Variants in ARIH1 observed in about 807,000 individuals in gnomAD.
ARIH1 encodes the protein E3 ubiquitin-protein ligase ARIH1.
ARIH1 carries 8 observed loss-of-function variants against 85.0 expected under a neutral mutation model. That is an observed-to-expected ratio of 0.09 (90% CI 0.06 to 0.17). The LOEUF is 0.17. Ranked by LOEUF, ARIH1 falls within the 10% of genes least tolerant of loss-of-function variation. The pLI is 1.00. For synonymous variants in ARIH1, 238 were observed against 253.6 expected, an observed-to-expected ratio of 0.94 and a Z score of 0.59; for missense variants, 311 against 718.1, an observed-to-expected ratio of 0.43 and a Z score of 6.48.
chr15:72,531,834 A>G (rs754155813), intron 2 of ARIH1, among the ~76,000 whole-genome samples: 2 of 152,190 alleles, frequency 1.3e-5, no homozygotes, highest in Non-Finnish European at 2.9e-5. Flanking sequence ...AAATGGTTTT[A>G]TGTTGTACCT....
Position 72,477,867 on chromosome 15 carries a change from G to C in ARIH1, c.375+2853G>C, listed in dbSNP as rs150092178. ...GTCACCCAGGCTGTAGTGCAGTCGCGTGATCTCAGCTTACTGCAACCTCTC... is the reference window on the plus strand; with the variant it reads ...GTCACCCAGGCTGTAGTGCAGTCGCCTGATCTCAGCTTACTGCAACCTCTC... On this transcript the variant is annotated intron_variant, in intron 1 of 13. Coordinates refer to ENST00000379887, the MANE Select transcript of ARIH1 (RefSeq NM_005744.5). Among the ~76,000 whole-genome samples, 96 of 152,116 alleles carry C rather than the reference G, an allele frequency of 6.3e-4. 1 individual carries two copies. In the East Asian group the frequency reaches 0.012, roughly 19 times the overall value.
chr15:72,475,069 G>A, intron 1 of ARIH1, 55 bp downstream of exon 1: 1 of 1,541,348 alleles, frequency 6.5e-7, no homozygotes, highest in Admixed American at 2.0e-5. Flanking sequence ...GCGGATTCAG[G>A]CGGCACGCGC....
At chr15:72,531,107 C>T (rs2064054540) in intron 2 of ARIH1, among the ~76,000 whole-genome samples, 1 of 152,118 alleles carries the variant, frequency 6.6e-6, no homozygotes, top group South Asian at 2.1e-4. Context: ...AATCTGGATG[C>T]ATCTTTCAAT....
At chr15:72,523,589 A>G (rs2064010511) in intron 2 of ARIH1, among the ~76,000 whole-genome samples, 1 of 150,230 alleles carries the variant, frequency 6.7e-6, no homozygotes, top group African/African-American at 2.5e-5. Flanking sequence ...ATGTATCATT[A>G]TGCATTTGTC....
chr15:72,554,097 G>A (rs1049457219), intron 3 of ARIH1, among the ~76,000 whole-genome samples: 1 of 152,042 alleles, frequency 6.6e-6, no homozygotes, highest in Non-Finnish European at 1.5e-5. Context: ...TGGAAATATG[G>A]AAAAATATTT....
chr15:72,580,202 C>T (rs1567361674), intron 11 of ARIH1, among the ~76,000 whole-genome samples: 1 of 152,240 alleles, frequency 6.6e-6, no homozygotes, highest in South Asian at 2.1e-4. Flanking sequence ...CTTTTCTGTG[C>T]CTGGCTTATT....
At chr15:72,517,795 C>A (rs996547364) in intron 1 of ARIH1, among the ~76,000 whole-genome samples, 1 of 151,896 alleles carries the variant, frequency 6.6e-6, no homozygotes, top group Non-Finnish European at 1.5e-5. Context: ...ATTAAGACAG[C>A]GCCGGATTTA....
Position 72,497,857 on chromosome 15 carries a change from C to T in ARIH1, c.376-20210C>T, listed in dbSNP as rs529769784. On this transcript the variant is annotated intron_variant, in intron 1 of 13. Transcript: ENST00000379887. ...AGCTGTAAAACCTAAGATCTTACCA[C>T]AGCCTAAATTGTGACTCAAATGCTG... 2.6e-4 allele frequency among the ~76,000 whole-genome samples: 39 copies of T among 152,264 alleles called. No homozygotes were observed. In the South Asian group the frequency reaches 7.9e-3, roughly 31 times the overall value.
chr15:72,547,412 T>G (rs566227907), intron 3 of ARIH1, among the ~76,000 whole-genome samples: 34 of 152,116 alleles, frequency 2.2e-4, no homozygotes, highest in Non-Finnish European at 3.5e-4. Flanking sequence ...TTTGTATTTT[T>G]AGTAGAGACG....
At chr15:72,513,643 T>C (rs1034233353) in intron 1 of ARIH1, among the ~76,000 whole-genome samples, 1 of 151,346 alleles carries the variant, frequency 6.6e-6, no homozygotes, top group Non-Finnish European at 1.5e-5. Flanking sequence ...GAATTTCTTA[T>C]AGCTTTTCTT....
chr15:72,564,259 C>T (rs1226813283), intron 7 of ARIH1, among the ~76,000 whole-genome samples: 2 of 152,170 alleles, frequency 1.3e-5, no homozygotes, highest in African/African-American at 2.4e-5. Flanking sequence ...ATTTCTCTAC[C>T]TTCCACAAAA....
rs143410482 is a variant in ARIH1 at position 72,486,794 on chromosome 15, A to C, written c.375+11780A>C. ...CTGCAACCTCTACCTCCTGGGTTCAAGTGATTATCGTGCCTCAGCCTCCCA... is the reference window on the plus strand; with the variant it reads ...CTGCAACCTCTACCTCCTGGGTTCACGTGATTATCGTGCCTCAGCCTCCCA... On this transcript the variant is annotated intron_variant, in intron 1 of 13. Coordinates refer to ENST00000379887, the MANE Select transcript of ARIH1 (RefSeq NM_005744.5). Among the ~76,000 whole-genome samples the C allele has an allele frequency of 4.6e-3, 680 of 149,058 alleles. 7 individuals are homozygous for C. The highest frequency in any genetic ancestry group is 0.016 in the African/African-American group (655 of 40,524).
intron 10 of ARIH1, among the ~76,000 whole-genome samples, chr15:72,571,763 CA>C (rs1297372821): frequency 1.3e-5 from 2 of 152,222 alleles, no homozygotes; most frequent in Middle Eastern, 3.4e-3. Context: ...GGAATTCAGA[CA>C]GTCAATAAAG....
At position 72,587,646 on chromosome 15, in the gene ARIH1, G is replaced by A. The variant is rs2064323141; in HGVS notation, c.*4354G>A. On this transcript the variant is annotated 3_prime_UTR_variant, in exon 14 of 14. Coordinates refer to ENST00000379887, the MANE Select transcript of ARIH1 (RefSeq NM_005744.5). ...TTATGAGAAAATTTTGGCTCCTTCAGAAACAGGAAGATAAGTGGGCCCCTC... is the reference window on the plus strand; with the variant it reads ...TTATGAGAAAATTTTGGCTCCTTCAAAAACAGGAAGATAAGTGGGCCCCTC... 6.5e-6 allele frequency: 1 copy of A among 153,964 alleles called. No homozygotes were observed. The highest frequency in any genetic ancestry group is 2.4e-5 in the African/African-American group (1 of 41,460). 9.5% of individuals were successfully genotyped at this position (153,964 alleles called of 1,614,324 possible). A position where few individuals can be genotyped will look rare whatever the true frequency, so the allele number is the denominator to read the frequency against.
At chr15:72,553,621 T>C (rs2064162099) in intron 3 of ARIH1, among the ~76,000 whole-genome samples, 1 of 152,140 alleles carries the variant, frequency 6.6e-6, no homozygotes, top group Non-Finnish European at 1.5e-5. Flanking sequence ...ACATTTCATA[T>C]GAAAGAATCA....
intron 1 of ARIH1, among the ~76,000 whole-genome samples, chr15:72,504,630 T>G (rs2063917222): frequency 6.6e-6 from 1 of 152,100 alleles, no homozygotes. Flanking sequence ...AGGGGTGGGT[T>G]GGCCATCAGT....
rs71137306 is a variant in ARIH1 at position 72,594,811 on chromosome 15, C to CTTTTTTTTTTTTTTT, written c.*11532_*11546dup. The CTTTTTTTTTTTTTTT allele has an allele frequency of 4.3e-3, 344 of 79,628 alleles. 75 individuals carry two copies. Among genetic ancestry groups the CTTTTTTTTTTTTTTT allele is most frequent in the African/African-American group, 0.018 (302 of 16,426 alleles). The allele number at this position is 79,628 out of a possible 1,614,324, so 4.9% of individuals were successfully genotyped here. On this transcript the variant is annotated 3_prime_UTR_variant, in exon 14 of 14. Transcript: ENST00000379887. ...TTTTTCTGATTTTATGCCTTTTCTT[C>CTTTTTTTTTTTTTTT]TTTTTTTTTTTTTTTTTTTTTTTTT...
At chr15:72,508,136 T>C (rs1383148070) in intron 1 of ARIH1, among the ~76,000 whole-genome samples, 2 of 152,244 alleles carry the variant, frequency 1.3e-5, no homozygotes, top group Admixed American at 6.5e-5. Context: ...GAGATTCTTA[T>C]ATGTAGCCAG....
At position 72,591,882 on chromosome 15, in the gene ARIH1, A is replaced by C. The variant is rs906456447; in HGVS notation, c.*8590A>C. The C allele has an allele frequency of 6.6e-6, 1 of 152,220 alleles. No homozygotes were observed. The highest frequency in any genetic ancestry group is 2.4e-5 in the African/African-American group (1 of 41,458). The allele number at this position is 152,220 out of a possible 1,614,324, so 9.4% of individuals were successfully genotyped here. ...TGGTTTATTTCTATCTAACTAGGGA[A>C]AGCACTAAAGAGTTTTCCAATAAGG... On this transcript the variant is annotated 3_prime_UTR_variant, in exon 14 of 14. Transcript: ENST00000379887.
Sources: allele counts gnomAD v4.1 joint callset (sites outside exome capture counted in the v4.1 genomes callset), GRCh38; gene constraint gnomAD v4.1.1; transcripts MANE v1.5; gene names NCBI Gene and HGNC (gene_info 2026-07-23, HGNC 2026-07-21).